Variants in ZNF704 observed in about 807,000 individuals in gnomAD.
ZNF704 encodes the protein glucocorticoid induced gene 1.
A neutral mutation model predicts 44.7 loss-of-function variants in ZNF704; 10 were observed. The ratio of observed to expected loss-of-function variants is 0.22; its 90% CI spans 0.14 to 0.38. ZNF704 has a LOEUF of 0.38. Ranked by LOEUF, ZNF704 falls within the 10% of genes least tolerant of loss-of-function variation. The pLI, the probability that ZNF704 is intolerant of heterozygous loss-of-function variation, is 1.00. For synonymous variants in ZNF704, 211 were observed against 207.6 expected, an observed-to-expected ratio of 1.02 and a Z score of -0.14; for missense variants, 390 against 545.5, an observed-to-expected ratio of 0.71 and a Z score of 2.84.
At chr8:80,847,036 GGTGACGCATGTCT>G (rs1283475611) in intron 1 of ZNF704, among the ~76,000 whole-genome samples, 1 of 152,060 alleles carries the variant, frequency 6.6e-6, no homozygotes, top group East Asian at 1.9e-4. Flanking sequence ...AGCCAGGTGT[GGTGACGCATGTCT>G]GTAATCCCAG....
chr8:80,654,226 C>T (rs1817970899), intron 7 of ZNF704, among the ~76,000 whole-genome samples: 2 of 152,122 alleles, frequency 1.3e-5, no homozygotes, highest in Admixed American at 1.3e-4. Flanking sequence ...AGACCTAAAA[C>T]CATAAAAACC....
At chr8:80,812,223 T>C (rs1032107840) in intron 2 of ZNF704, 1 of 154,258 alleles carries the variant, frequency 6.5e-6, no homozygotes, top group African/African-American at 2.4e-5. Flanking sequence ...TGACTCCCTT[T>C]TTTGAAAGCA....
chr8:80,803,215 T>C lies in ZNF704; in HGVS notation c.221+18159A>G, dbSNP rs376819320. On this transcript the variant is annotated intron_variant, in intron 2 of 8. Coordinates refer to ENST00000327835, the MANE Select transcript of ZNF704 (RefSeq NM_001033723.3). Reference sequence around the variant, plus strand: ...ACTAAACAAATGGAAAAACATTCCATGCTCATGGATAGGAAGAATCCGTAT... The same window carrying C: ...ACTAAACAAATGGAAAAACATTCCACGCTCATGGATAGGAAGAATCCGTAT... Among the ~76,000 whole-genome samples the C allele has an allele frequency of 5.3e-5, 8 of 152,362 alleles. No homozygotes were observed. The East Asian group carries it at 7.7e-4, about 15-fold the overall frequency.
chr8:80,858,693 A>C (rs1256201818), intron 1 of ZNF704, among the ~76,000 whole-genome samples: 2 of 151,006 alleles, frequency 1.3e-5, no homozygotes, highest in East Asian at 1.9e-4. Flanking sequence ...TCAAAAAAAA[A>C]ACAAAAAACA....
At chr8:80,780,340 A>G (rs1211186395) in intron 2 of ZNF704, among the ~76,000 whole-genome samples, 3 of 152,196 alleles carry the variant, frequency 2.0e-5, no homozygotes, top group African/African-American at 7.2e-5. Flanking sequence ...TATGGCAGAA[A>G]GAGATCAGAA....
intron 1 of ZNF704, among the ~76,000 whole-genome samples, chr8:80,859,418 G>A (rs1809021428): frequency 6.6e-6 from 1 of 152,148 alleles, no homozygotes; most frequent in Admixed American, 6.5e-5. Context: ...GCAATGTGTT[G>A]TGATAGTGGG....
At chr8:80,870,457 C>G (rs1159621650) in intron 1 of ZNF704, among the ~76,000 whole-genome samples, 3 of 152,228 alleles carry the variant, frequency 2.0e-5, no homozygotes, top group Admixed American at 6.5e-5. Flanking sequence ...CTTCTCTTGT[C>G]AAGGACACTA....
chr8:80,814,926 C>T (rs917987248), intron 2 of ZNF704, among the ~76,000 whole-genome samples: 6 of 151,916 alleles, frequency 3.9e-5, no homozygotes, highest in African/African-American at 1.5e-4. Flanking sequence ...GGCGACTTTC[C>T]GATAAACTGT....
chr8:80,713,930 A>G (rs1176778747), intron 2 of ZNF704, among the ~76,000 whole-genome samples: 2 of 152,222 alleles, frequency 1.3e-5, no homozygotes, highest in African/African-American at 4.8e-5. Context: ...CTAGAAGAAT[A>G]CACTGCAATC....
chr8:80,857,205 T>C (rs1369583125), intron 1 of ZNF704, among the ~76,000 whole-genome samples: 1 of 152,184 alleles, frequency 6.6e-6, no homozygotes, highest in Non-Finnish European at 1.5e-5. Context: ...TTTTTCCTAA[T>C]ATTTATGCCT....
At chr8:80,659,361 T>A (rs1052381418) in intron 7 of ZNF704, among the ~76,000 whole-genome samples, 2 of 152,242 alleles carry the variant, frequency 1.3e-5, no homozygotes, top group Non-Finnish European at 2.9e-5. Context: ...ACAAGTTGTT[T>A]ATGAACAGTT....
intron 2 of ZNF704, among the ~76,000 whole-genome samples, chr8:80,771,053 C>T (rs1402297437): frequency 6.6e-6 from 1 of 152,106 alleles, no homozygotes; most frequent in African/African-American, 2.4e-5. Context: ...TTTCTGAATT[C>T]TTTATTCTGT....
intron 2 of ZNF704, among the ~76,000 whole-genome samples, chr8:80,719,285 CA>C (rs1477206512): frequency 1.3e-5 from 2 of 151,976 alleles, no homozygotes; most frequent in Non-Finnish European, 2.9e-5. Context: ...TTGTTGGTTT[CA>C]ATTGGATAAT....
intron 4 of ZNF704, among the ~76,000 whole-genome samples, chr8:80,686,343 C>T (rs376951953): frequency 1.3e-5 from 2 of 152,262 alleles, no homozygotes; most frequent in South Asian, 4.2e-4. Context: ...AATTAATTTG[C>T]TAAATCAATT....
intron 2 of ZNF704, among the ~76,000 whole-genome samples, chr8:80,789,766 A>C (rs1178176814): frequency 2.0e-5 from 3 of 151,898 alleles, no homozygotes; most frequent in Non-Finnish European, 2.9e-5. Context: ...ACAAAAAAAA[A>C]CCCCTAAAAA....
intron 2 of ZNF704, among the ~76,000 whole-genome samples, chr8:80,770,522 G>A (rs1003117789): frequency 4.6e-5 from 7 of 152,108 alleles, no homozygotes; most frequent in Non-Finnish European, 1.0e-4. Flanking sequence ...TGAACTGTCT[G>A]TTCATGTTGT....
At chr8:80,732,775 G>A (rs1359747192) in intron 2 of ZNF704, among the ~76,000 whole-genome samples, 1 of 152,048 alleles carries the variant, frequency 6.6e-6, no homozygotes, top group Admixed American at 6.5e-5. Flanking sequence ...GGGCTACATG[G>A]TGAAACCCCA....
chr8:80,826,817 A>C (rs866504599), intron 1 of ZNF704, among the ~76,000 whole-genome samples: 17 of 152,232 alleles, frequency 1.1e-4, no homozygotes, highest in Middle Eastern at 6.8e-3. Flanking sequence ...GAACCAAAGA[A>C]AAAAACCACA....
the ZNF704 span, among the ~76,000 whole-genome samples, chr8:80,883,496 C>T: frequency 6.6e-6 from 1 of 152,106 alleles, no homozygotes; most frequent in Non-Finnish European, 1.5e-5. Flanking sequence ...TGCAATGTGG[C>T]TGCTGCAAAT....
Sources: gnomAD v4.1 joint callset for allele counts (sites outside exome capture counted in the v4.1 genomes callset) on GRCh38, gnomAD v4.1.1 for gene constraint, MANE v1.5 for transcripts, NCBI Gene and HGNC (gene_info 2026-07-23, HGNC 2026-07-21) for gene names.